The following WDR7 variants were observed in gnomAD, a reference collection of about 807,000 sequenced individuals.
WDR7 encodes the protein WD repeat-containing protein 7.
WDR7 carries 46 observed loss-of-function variants against 169.4 expected under a neutral mutation model. The ratio of observed to expected loss-of-function variants is 0.27; its 90% confidence interval spans 0.21 to 0.35. The LOEUF (loss-of-function observed/expected upper bound fraction) is 0.35. Ranked by LOEUF, WDR7 falls within the 10% of genes least tolerant of loss-of-function variation. WDR7 has a pLI of 1.00. For synonymous variants in WDR7, 612 were observed against 666.8 expected (o/e 0.92, Z 1.27); for missense variants, 1,534 against 1,859.3 (o/e 0.83, Z 3.22).
At chr18:56,684,658 CG>C (rs1205661534) in intron 5 of WDR7, among the ~76,000 whole-genome samples, 1 of 152,070 alleles carries the variant, frequency 6.6e-6, no homozygotes, top group African/African-American at 2.4e-5. Context: ...AGTGGACTGT[CG>C]GAATAGTGGA....
intron 19 of WDR7, among the ~76,000 whole-genome samples, chr18:56,789,494 A>G (rs1466060612): frequency 2.6e-5 from 4 of 152,248 alleles, no homozygotes; most frequent in Non-Finnish European, 5.9e-5. Context: ...TAGAAACCCC[A>G]TGACAGTTTG....
chr18:57,014,001 G>A (rs1206571769), intron 26 of WDR7, among the ~76,000 whole-genome samples: 1 of 152,158 alleles, frequency 6.6e-6, no homozygotes, highest in Non-Finnish European at 1.5e-5. Flanking sequence ...AATGACATCT[G>A]ATCTAATTCC....
At chr18:57,007,655 T>C (rs1431335816) in intron 26 of WDR7, among the ~76,000 whole-genome samples, 1 of 152,154 alleles carries the variant, frequency 6.6e-6, no homozygotes, top group Non-Finnish European at 1.5e-5. Flanking sequence ...AATCCTCTTT[T>C]AAAGGTGATT....
At chr18:56,815,092 A>G (rs1462749442) in intron 19 of WDR7, among the ~76,000 whole-genome samples, 1 of 152,166 alleles carries the variant, frequency 6.6e-6, no homozygotes, top group Non-Finnish European at 1.5e-5. Flanking sequence ...TTAAGTTAAT[A>G]CCCCTTGTTA....
intron 21 of WDR7, among the ~76,000 whole-genome samples, chr18:56,896,878 T>C (rs1283258975): frequency 6.6e-6 from 1 of 151,336 alleles, no homozygotes; most frequent in African/African-American, 2.4e-5. Context: ...TGAAAGAAAG[T>C]GAAAAATAAA....
intron 26 of WDR7, among the ~76,000 whole-genome samples, chr18:56,975,514 C>T (rs375074032): frequency 6.6e-6 from 1 of 152,082 alleles, no homozygotes; most frequent in South Asian, 2.1e-4. Context: ...GGACAGATTG[C>T]TTTATAGTTT....
Position 56,932,888 on chromosome 18 carries a change from T to G in WDR7, c.3714-2900T>G, listed in dbSNP as rs1199716069. 3.2e-3 allele frequency among the ~76,000 whole-genome samples: 482 copies of G among 151,896 alleles called. 2 individuals carry two copies. Among genetic ancestry groups the G allele is most frequent in the African/African-American group, 0.011 (451 of 41,306 alleles). ...TCTTCATTCTGGGTGTGTGTGTGTG[T>G]GTGTGTGTGTGTGTGTGTCTATCTG... On this transcript the variant is annotated intron_variant, in intron 22 of 27. Coordinates refer to ENST00000254442, the MANE Select transcript of WDR7 (RefSeq NM_015285.3).
At chr18:56,739,815 A>G in intron 14 of WDR7, among the ~76,000 whole-genome samples, 1 of 148,330 alleles carries the variant, frequency 6.7e-6, no homozygotes, top group South Asian at 2.1e-4. Context: ...CCCCATTGCT[A>G]TTAAGGTTTT....
At chr18:56,842,800 A>ATAGCTTTTAATTTGGTTATATACTTT (rs2045506097) in intron 20 of WDR7, among the ~76,000 whole-genome samples, 1 of 152,212 alleles carries the variant, frequency 6.6e-6, no homozygotes, top group Admixed American at 6.5e-5. Flanking sequence ...AAGATTTTTG[A>ATAGCTTTTAATTTGGTTATATACTTT]TAGCTTTTAA....
rs151034066 is a variant in WDR7, at chr18:56,813,459, GT to G, written c.3191-2562del. On this transcript the variant is annotated intron_variant, in intron 19 of 27. Coordinates refer to ENST00000254442, the MANE Select transcript of WDR7 (RefSeq NM_015285.3). Reference sequence around the variant, plus strand: ...CCTCTGTATTCTTATTTTCTTAGAGGTTTTTTTTTTCTTTTTTAAATCATGA... The same window carrying G: ...CCTCTGTATTCTTATTTTCTTAGAGGTTTTTTTTTCTTTTTTAAATCATGA... Among the ~76,000 whole-genome samples the G allele has an allele frequency of 7.7e-3, 1,137 of 148,592 alleles. 21 individuals carry two copies. The highest frequency in any genetic ancestry group is 0.026 in the African/African-American group (1,059 of 40,660).
At chr18:56,916,364 G>A (rs946140832) in intron 21 of WDR7, among the ~76,000 whole-genome samples, 6 of 151,408 alleles carry the variant, frequency 4.0e-5, no homozygotes, top group Admixed American at 6.6e-5. Flanking sequence ...GAGAACATGC[G>A]GTGTTTGGTT....
At chr18:56,998,951 G>A (rs1002615822) in intron 26 of WDR7, among the ~76,000 whole-genome samples, 4 of 152,152 alleles carry the variant, frequency 2.6e-5, no homozygotes, top group African/African-American at 9.7e-5. Context: ...AATAGCTGAA[G>A]AAAACAAGCT....
intron 26 of WDR7, among the ~76,000 whole-genome samples, chr18:56,966,627 G>T (rs564815478): frequency 2.6e-5 from 4 of 152,146 alleles, no homozygotes; most frequent in Admixed American, 2.6e-4. Context: ...GTCAAATTTG[G>T]GGAAAGTCAA....
intron 20 of WDR7, among the ~76,000 whole-genome samples, chr18:56,844,210 A>G (rs2145339340): frequency 6.6e-6 from 1 of 152,022 alleles, no homozygotes; most frequent in Middle Eastern, 3.4e-3. Context: ...TGAAGTGTGA[A>G]GTTATATAGG....
intron 26 of WDR7, among the ~76,000 whole-genome samples, chr18:56,981,156 A>G (rs187138325): frequency 7.7e-4 from 117 of 152,314 alleles, no homozygotes; most frequent in African/African-American, 2.6e-3. Flanking sequence ...CCTAAAGGTA[A>G]AATTGACTGA....
At chr18:56,814,304 A>G (rs1379216403) in intron 19 of WDR7, among the ~76,000 whole-genome samples, 1 of 152,104 alleles carries the variant, frequency 6.6e-6, no homozygotes, top group Non-Finnish European at 1.5e-5. Context: ...TATTTTTTCA[A>G]TGTTTCTCTG....
intron 20 of WDR7, among the ~76,000 whole-genome samples, chr18:56,867,864 G>A (rs2045903430): frequency 6.6e-6 from 1 of 152,066 alleles, no homozygotes; most frequent in Admixed American, 6.6e-5. Flanking sequence ...GCAACTCAGA[G>A]CCAAATTCGA....
At chr18:56,794,332 CAG>C (rs1335678417) in intron 19 of WDR7, among the ~76,000 whole-genome samples, 3 of 10,766 alleles carry the variant, frequency 2.8e-4, no homozygotes, top group Non-Finnish European at 9.6e-4. Context: ...TTTTTTGAGA[CAG>C]AGTCTCACTC....
chr18:56,696,201 C>G, intron 11 of WDR7, 41 bp from the exon 12 acceptor site: 1 of 1,517,748 alleles, frequency 6.6e-7, no homozygotes, highest in East Asian at 2.3e-5. Flanking sequence ...ACTTGGTAAA[C>G]CTTTAATTTT....
Sources: gnomAD v4.1 joint callset for allele counts (sites outside exome capture counted in the v4.1 genomes callset) on GRCh38, gnomAD v4.1.1 for gene constraint, MANE v1.5 for transcripts, NCBI Gene and HGNC (gene_info 2026-07-23, HGNC 2026-07-21) for gene names.